RUNX1: variants seen among roughly 807,000 people sequenced by gnomAD.
RUNX1 encodes the protein RUNX family transcription factor 1.
In RUNX1, 19 loss-of-function variants were observed where a neutral mutation model predicts 42.8. That is an observed-to-expected ratio of 0.44 (90% confidence interval 0.31 to 0.65). The LOEUF (loss-of-function observed/expected upper bound fraction) is 0.65, where lower values mean the gene tolerates loss of function less well. Among genes scored for constraint, RUNX1 ranks in the 30% least tolerant of loss-of-function variants. The pLI is 0.07. For missense variants in RUNX1, 528 were observed against 672.0 expected, an observed-to-expected ratio of 0.79 and a Z score of 2.37; for synonymous variants, 271 against 289.4, an observed-to-expected ratio of 0.94 and a Z score of 0.64.
intron 3 of RUNX1, among the ~76,000 whole-genome samples, chr21:34,892,336 G>A (rs2058089417): frequency 6.6e-6 from 1 of 152,150 alleles, no homozygotes; most frequent in South Asian, 2.1e-4. Flanking sequence ...GTGGCTTTGA[G>A]ATTACTTCAC....
intron 5 of RUNX1, among the ~76,000 whole-genome samples, chr21:34,872,523 C>G (rs777286697): frequency 2.6e-5 from 4 of 152,208 alleles, no homozygotes; most frequent in Admixed American, 6.5e-5. Context: ...CAGTGATGTT[C>G]TCTATTTTTT....
intron 2 of RUNX1, among the ~76,000 whole-genome samples, chr21:35,014,151 C>A (rs1347025210): frequency 2.0e-5 from 3 of 152,144 alleles, no homozygotes; most frequent in Non-Finnish European, 4.4e-5. Context: ...CAAAAGTACA[C>A]ATAATTTTAA....
chr21:34,879,128 C>T (rs548967565), intron 5 of RUNX1, among the ~76,000 whole-genome samples: 6 of 152,282 alleles, frequency 3.9e-5, no homozygotes, highest in East Asian at 1.9e-4. Context: ...GCTACTCATC[C>T]GAAGCCTTTA....
At chr21:34,963,136 C>T (rs2058693158) in intron 2 of RUNX1, among the ~76,000 whole-genome samples, 1 of 152,226 alleles carries the variant, frequency 6.6e-6, no homozygotes, top group African/African-American at 2.4e-5. Context: ...TTTAAGCGCT[C>T]AGCCCAGCAG....
intron 7 of RUNX1, among the ~76,000 whole-genome samples, chr21:34,811,210 A>G (rs1024621965): frequency 2.6e-5 from 4 of 152,192 alleles, no homozygotes; most frequent in Non-Finnish European, 4.4e-5. Flanking sequence ...CCCAATTTGA[A>G]GGATATCCTG....
At chr21:34,844,275 G>A (rs1569046633) in intron 6 of RUNX1, among the ~76,000 whole-genome samples, 1 of 152,330 alleles carries the variant, frequency 6.6e-6, no homozygotes, top group Non-Finnish European at 1.5e-5. Context: ...AACGCTGCCT[G>A]GAGCTTCTGA....
chr21:34,799,878 G>T (rs1191138541), intron 7 of RUNX1, among the ~76,000 whole-genome samples: 1 of 152,114 alleles, frequency 6.6e-6, no homozygotes, highest in Non-Finnish European at 1.5e-5. Flanking sequence ...AAACTCAGGG[G>T]ATCACCTGTC....
intron 2 of RUNX1, among the ~76,000 whole-genome samples, chr21:34,972,734 A>G (rs1483368182): frequency 6.6e-6 from 1 of 152,196 alleles, no homozygotes; most frequent in Non-Finnish European, 1.5e-5. Context: ...GATTAACTCT[A>G]CAAAGAATGA....
At chr21:34,984,014 G>C (rs1238210806) in intron 2 of RUNX1, among the ~76,000 whole-genome samples, 2 of 152,170 alleles carry the variant, frequency 1.3e-5, no homozygotes, top group Non-Finnish European at 2.9e-5. Flanking sequence ...ATCCCCAGTG[G>C]ATGTGTTCAG....
At chr21:34,987,865 G>A (rs578109749) in intron 2 of RUNX1, among the ~76,000 whole-genome samples, 4 of 152,268 alleles carry the variant, frequency 2.6e-5, no homozygotes, top group African/African-American at 9.6e-5. Flanking sequence ...GCTCTAGAGG[G>A]GACAGTCTTG....
At chr21:34,892,822 A>G in intron 3 of RUNX1, 103 bp downstream of exon 3, 2 of 734,460 alleles carry the variant, frequency 2.7e-6, no homozygotes, top group Admixed American at 5.1e-5. Flanking sequence ...ATTTGGTTAA[A>G]TTATATCACA....
chr21:34,859,630 T>C (rs2057543759), intron 5 of RUNX1, 52 bp from the exon 6 acceptor site: 2 of 1,349,424 alleles, frequency 1.5e-6, no homozygotes, highest in African/African-American at 2.9e-5. Context: ...GGCCTGAACA[T>C]ATCTGTTGAA....
intron 2 of RUNX1, among the ~76,000 whole-genome samples, chr21:35,023,786 C>G (rs1315946130): frequency 6.6e-6 from 1 of 152,042 alleles, no homozygotes; most frequent in Non-Finnish European, 1.5e-5. Flanking sequence ...CAAGTGGGTA[C>G]ACAATTGAGG....
chr21:34,953,234 G>T (rs2058621521), intron 2 of RUNX1, among the ~76,000 whole-genome samples: 1 of 152,146 alleles, frequency 6.6e-6, no homozygotes, highest in Admixed American at 6.5e-5. Context: ...AATTCTGTGT[G>T]ATACCCAATG....
intron 7 of RUNX1, among the ~76,000 whole-genome samples, chr21:34,824,220 C>T (rs1220669818): frequency 6.6e-6 from 1 of 152,174 alleles, no homozygotes; most frequent in Non-Finnish European, 1.5e-5. Context: ...CTGGCTAAAA[C>T]TCAACCTGAA....
At chr21:34,874,137 C>CTT (rs1195135061) in intron 5 of RUNX1, among the ~76,000 whole-genome samples, 50 of 151,982 alleles carry the variant, frequency 3.3e-4, no homozygotes, top group African/African-American at 1.2e-3. Context: ...CTCTCTCTCT[C>CTT]TCTCTCTCCC....
In RUNX1 at chr21:34,880,698, C is replaced by G. The variant is rs373498347; in HGVS notation, c.367G>C (p.Asp123His). The change falls in exon 5 of 9, where the codon GAT becomes CAT. Residue 123 changes from aspartate to histidine, a missense_variant. Coordinates refer to ENST00000675419, the MANE Select transcript of RUNX1 (RefSeq NM_001754.5). ...PIAFKVVALG[D>H]VPDGTLVTVM... ...GTGACCAGAGTGCCATCTGGAACAT[C>G]CCCTAGGGCCACCACCTAAACACCA... The G allele has an allele frequency of 4.3e-6, 7 of 1,613,974 alleles. No homozygotes were observed. The highest frequency in any genetic ancestry group is 5.1e-6 in the Non-Finnish European group (6 of 1,179,998).
intron 7 of RUNX1, among the ~76,000 whole-genome samples, chr21:34,809,986 C>A (rs2056737465): frequency 6.6e-6 from 1 of 152,228 alleles, no homozygotes; most frequent in South Asian, 2.1e-4. Context: ...CAGTTTGCAG[C>A]CTGGGCTTCC....
intron 3 of RUNX1, chr21:34,889,949 C>T (rs541323907): frequency 3.9e-5 from 27 of 695,974 alleles, no homozygotes; most frequent in Admixed American, 1.3e-4. Flanking sequence ...CCGCGGGCTG[C>T]TTTGTGGTCC....
Sources: allele counts gnomAD v4.1 joint callset (sites outside exome capture counted in the v4.1 genomes callset), GRCh38; gene constraint gnomAD v4.1.1; transcripts MANE v1.5; gene names NCBI Gene and HGNC (gene_info 2026-07-23, HGNC 2026-07-21).